Variants in CAPN1 observed in about 807,000 individuals in gnomAD.
CAPN1 encodes the protein calpain-1 catalytic subunit.
Under a neutral mutation model 105.2 loss-of-function variants are expected in CAPN1, and 77 were observed. That is an observed-to-expected ratio of 0.73 (90% CI 0.61 to 0.88). The LOEUF (loss-of-function observed/expected upper bound fraction) is 0.88. CAPN1 is among the 40% of genes least tolerant of loss of function. The pLI is 0.00. For missense variants in CAPN1, 833 were observed against 976.6 expected (o/e 0.85, Z 1.96); for synonymous variants, 355 against 388.8 (o/e 0.91, Z 1.02).
chr11:65,204,683 C>T lies in CAPN1; in HGVS notation c.1166C>T (p.Ala389Val). 3 of 1,606,656 alleles carry T rather than the reference C, an allele frequency of 1.9e-6. No individual in the cohort carries two copies. Among genetic ancestry groups the T allele is most frequent in the Non-Finnish European group, 2.6e-6 (3 of 1,174,424 alleles). ...TCCCCGCCTCCTCACCTGCCCGCAG[C>T]CACCTTCTGGGTGAACCCTCAGTTC... ...STAGGCRNYP[A>V]TFWVNPQFKI... Residue 389 changes from alanine (A) to valine (V), a missense_variant and splice_region_variant, in exon 11 of 22, where the codon GCC (alanine) becomes GTC (valine). Coordinates refer to ENST00000279247, the MANE Select transcript of CAPN1 (RefSeq NM_005186.4).
At chr11:65,203,411 G>A (rs2137376928) in intron 10 of CAPN1, 1 of 152,390 alleles carries the variant, frequency 6.6e-6, no homozygotes, top group Middle Eastern at 3.4e-3. Flanking sequence ...CCAGGCTGGA[G>A]TGCTGTGGCA....
rs1024350079 is a variant in CAPN1 at position 65,208,281 on chromosome 11, G to A, written c.1729+19G>A. On this transcript the variant is annotated intron_variant, in intron 16 of 21. Transcript: ENST00000279247. The surrounding 1 kb of genome is among the most constrained non-coding windows in gnomAD (Gnocchi z 4.1). ...AGCAAACGTGAGTCCCCGCGGGGCT[G>A]TCCCACCACCCCACCATTTCTTCCA... 10 of 1,552,196 alleles carry A rather than the reference G, an allele frequency of 6.4e-6. No individual in the cohort carries two copies. The highest frequency in any genetic ancestry group is 1.9e-5 in the Admixed American group (1 of 51,346).
In CAPN1 at chr11:65,211,564, C is replaced by T. The variant is rs1430144499; in HGVS notation, c.*278C>T. 1.8e-5 allele frequency: 10 copies of T among 568,434 alleles called. No individual in the cohort carries two copies. Among genetic ancestry groups the T allele is most frequent in the South Asian group, 2.1e-5 (1 of 47,776 alleles). 35.2% of individuals were successfully genotyped at this position (568,434 alleles called of 1,614,324 possible). A position where few individuals can be genotyped will look rare whatever the true frequency, so the allele number is the denominator to read the frequency against. On this transcript the variant is annotated 3_prime_UTR_variant, in exon 22 of 22. Coordinates refer to ENST00000279247, the MANE Select transcript of CAPN1 (RefSeq NM_005186.4). Reference sequence around the variant, plus strand: ...AGGCAGCTTTCGCTTGTTCCTGCCTCGGGACAGCCCCGGGTTTCCCCAGCA... The same window carrying T: ...AGGCAGCTTTCGCTTGTTCCTGCCTTGGGACAGCCCCGGGTTTCCCCAGCA...
At chr11:65,195,100 G>GGTTTTT (rs1565403828) in intron 10 of CAPN1, among the ~76,000 whole-genome samples, 16 of 90,906 alleles carry the variant, frequency 1.8e-4, no homozygotes, top group East Asian at 9.5e-4. Context: ...GTTTTTTGGG[G>GGTTTTT]TTTTTTTTTT....
At chr11:65,183,099 C>A (rs757635396) in intron 2 of CAPN1, 29 bp from the exon 3 acceptor site, 2 of 1,612,982 alleles carry the variant, frequency 1.2e-6, no homozygotes, top group Non-Finnish European at 1.7e-6. Flanking sequence ...AGGGGCTGGC[C>A]GAGGAACAGG....
rs1949007123 is a variant in CAPN1 at position 65,209,232 on chromosome 11, C to T, written c.1730-91C>T. On this transcript the variant is annotated intron_variant, in intron 16 of 21. Coordinates refer to ENST00000279247, the MANE Select transcript of CAPN1 (RefSeq NM_005186.4). The surrounding 1 kb of genome is among the most constrained non-coding windows in gnomAD (Gnocchi z 4.1). ...TTGCACCCACTCGTCAGGATTTGTGCGTCCTTGACTCTGCCCCACCCAGTG... is the reference window on the plus strand; with the variant it reads ...TTGCACCCACTCGTCAGGATTTGTGTGTCCTTGACTCTGCCCCACCCAGTG... 1.4e-5 allele frequency: 13 copies of T among 947,272 alleles called. No homozygotes were observed. Among genetic ancestry groups the T allele is most frequent in the Admixed American group, 8.0e-5 (4 of 50,062 alleles). 58.7% of individuals were successfully genotyped at this position (947,272 alleles called of 1,614,324 possible).
intron 10 of CAPN1, among the ~76,000 whole-genome samples, chr11:65,204,436 T>C (rs1948919249): frequency 6.6e-6 from 1 of 152,154 alleles, no homozygotes; most frequent in Non-Finnish European, 1.5e-5. Flanking sequence ...TGCTTGCTTT[T>C]TTTTGCAGTT....
chr11:65,182,896 C>G lies in CAPN1; in HGVS notation c.195C>G (p.Pro65=), dbSNP rs1948564653. 1 of 1,608,100 alleles carries G rather than the reference C, an allele frequency of 6.2e-7. No homozygotes were observed. Among genetic ancestry groups the G allele is most frequent in the Non-Finnish European group, 8.5e-7 (1 of 1,177,522 alleles). The change falls in exon 2 of 22, where the codon CCC becomes CCG. Residue 65 remains proline (P), a synonymous_variant. Transcript: ENST00000279247. ...GTGATGAGGCCTTCCCCCCGGTACC[C>G]CAGAGCCTGGGTTACAAGGACCTGG... ...LFRDEAFPPV[P]QSLGYKDLGP... is the part of the protein sequence containing the mutation.
intron 10 of CAPN1, among the ~76,000 whole-genome samples, chr11:65,201,253 A>G (rs1424453875): frequency 6.7e-6 from 1 of 149,050 alleles, no homozygotes; most frequent in Non-Finnish European, 1.5e-5. Flanking sequence ...CGTCTGGCTC[A>G]TTTTCTTACT....
At position 65,204,703 on chromosome 11, in the gene CAPN1, C is replaced by G; in HGVS notation, c.1186C>G (p.Gln396Glu). The change falls in exon 11 of 22, where the codon CAG (glutamine) becomes GAG (glutamate). Residue 396 changes from glutamine to glutamate, a missense_variant. Transcript: ENST00000279247. ...CGCAGCCACCTTCTGGGTGAACCCT[C>G]AGTTCAAGATCCGGCTGGATGAGAC... ...NYPATFWVNP[Q>E]FKIRLDETDD... is the part of the protein sequence containing the mutation. 1 of 1,612,366 alleles carries G rather than the reference C, an allele frequency of 6.2e-7. No homozygotes were observed. Among genetic ancestry groups the G allele is most frequent in the Non-Finnish European group, 8.5e-7 (1 of 1,179,124 alleles).
chr11:65,194,211 G>A (rs1026950942), intron 10 of CAPN1, among the ~76,000 whole-genome samples: 6 of 151,898 alleles, frequency 4.0e-5, no homozygotes, highest in African/African-American at 9.7e-5. Context: ...CAACTGATCC[G>A]CCCTGCTGTG....
Position 65,210,398 on chromosome 11 carries a change from G to A in CAPN1, c.2005G>A (p.Ala669Thr). 1 of 1,613,382 alleles carries A rather than the reference G, an allele frequency of 6.2e-7. No homozygotes were observed. The highest frequency in any genetic ancestry group is 1.1e-5 in the South Asian group (1 of 91,028). Residue 669 changes from alanine to threonine, a missense_variant, in exon 20 of 22, where the codon GCG becomes ACG. Transcript: ENST00000279247. This position sits in a 1 kb window ranked among gnomAD's most constrained non-coding sequence, Gnocchi z 4.3. ...IITRYSEPDL[A>T]VDFDNFVCCL... ...CACCCGCTACTCGGAGCCCGACCTG[G>A]CGGTCGACTTTGACAATTTCGTTTG...
At chr11:65,183,655 C>T in intron 4 of CAPN1, 63 bp downstream of exon 4, 1 of 1,139,004 alleles carries the variant, frequency 8.8e-7, no homozygotes, top group Non-Finnish European at 1.3e-6. Context: ...GGATGACCCA[C>T]AATACCTGCA....
intron 10 of CAPN1, among the ~76,000 whole-genome samples, chr11:65,201,519 T>C (rs1948868563): frequency 6.6e-6 from 1 of 152,114 alleles, no homozygotes; most frequent in Non-Finnish European, 1.5e-5. Context: ...TTTCTTTCTT[T>C]CTTTTTTTTT....
At chr11:65,206,270 G>C (rs904284449) in intron 12 of CAPN1, 193 bp from the exon 13 acceptor site, 1 of 602,574 alleles carries the variant, frequency 1.7e-6, no homozygotes, top group Non-Finnish European at 3.0e-6. Context: ...CAGTGAGTAG[G>C]GTTGTTACAT....
rs796875047 is a variant in CAPN1 at position 65,211,995 on chromosome 11, ATC to A, written c.*711_*712del. ...AACCCCAAATAATAAAAGGCCCCAC[ATC>A]TGTCTGTGATGTGTTTCTCCCCAGC... On this transcript the variant is annotated 3_prime_UTR_variant, in exon 22 of 22. Coordinates refer to ENST00000279247, the MANE Select transcript of CAPN1 (RefSeq NM_005186.4). 7 of 152,438 alleles carry A rather than the reference ATC, an allele frequency of 4.6e-5. No individual in the cohort carries two copies. Among genetic ancestry groups the A allele is most frequent in the African/African-American group, 1.7e-4 (7 of 41,552 alleles). 9.4% of individuals were successfully genotyped at this position (152,438 alleles called of 1,614,324 possible).
At chr11:65,192,011 T>C (rs1266992507) in intron 10 of CAPN1, among the ~76,000 whole-genome samples, 5 of 152,192 alleles carry the variant, frequency 3.3e-5, no homozygotes, top group African/African-American at 9.6e-5. Flanking sequence ...CTTTTATTTA[T>C]TAAAATGGTC....
rs371964953 is a variant in CAPN1 at position 65,182,965 on chromosome 11, C to A, written c.264C>A (p.Pro88=). 23 of 1,613,428 alleles carry A rather than the reference C, an allele frequency of 1.4e-5. 1 individual carries two copies. In the African/African-American group the frequency reaches 2.3e-4, roughly 16 times the overall value. Residue 88 remains proline (P), a synonymous_variant, in exon 2 of 22, where the codon CCC becomes CCA. Coordinates refer to ENST00000279247, the MANE Select transcript of CAPN1 (RefSeq NM_005186.4). ...CCTATGGCATCAAGTGGAAGCGTCC[C>A]ACGGTGAGAGGGGCCATCCTGGGTG... ...SKTYGIKWKR[P]TELLSNPQFI...
In CAPN1 at chr11:65,208,627, A is replaced by C; in HGVS notation, c.1729+365A>C. ...ACCCTGTCTCTGCAAAAAAGTACAA[A>C]AATTAGCTGGGCGTGGTGGCATGCA... On this transcript the variant is annotated intron_variant, in intron 16 of 21. Coordinates refer to ENST00000279247, the MANE Select transcript of CAPN1 (RefSeq NM_005186.4). The surrounding 1 kb of genome is among the most constrained non-coding windows in gnomAD (Gnocchi z 4.1). 2 of 349,022 alleles carry C rather than the reference A, an allele frequency of 5.7e-6. No individual in the cohort carries two copies. The highest frequency in any genetic ancestry group is 1.1e-5 in the Non-Finnish European group (2 of 180,720). The allele number at this position is 349,022 out of a possible 1,614,324, so 21.6% of individuals were successfully genotyped here.
Sources: allele counts gnomAD v4.1 joint callset (sites outside exome capture counted in the v4.1 genomes callset), GRCh38; gene constraint gnomAD v4.1.1; non-coding constraint Gnocchi (gnomAD v3.1); transcripts MANE v1.5; gene names NCBI Gene and HGNC (gene_info 2026-07-23, HGNC 2026-07-21).